TAFA1: variants seen among roughly 807,000 people sequenced by gnomAD.
TAFA1 encodes TAFA chemokine like family member 1, also known as chemokine-like protein TAFA-1.
A neutral mutation model predicts 18.5 loss-of-function variants in TAFA1; 4 were observed. The ratio of observed to expected loss-of-function variants is 0.22; its 90% CI spans 0.11 to 0.49. The LOEUF (loss-of-function observed/expected upper bound fraction) is 0.49, where lower values mean the gene tolerates loss of function less well. Among genes scored for constraint, TAFA1 ranks in the 20% least tolerant of loss-of-function variants. The pLI, the probability that TAFA1 is intolerant of heterozygous loss-of-function variation, is 0.98. For synonymous variants in TAFA1, 56 were observed against 55.2 expected (o/e 1.01, Z -0.06); for missense variants, 147 against 169.0 (o/e 0.87, Z 0.72).
At chr3:68,100,810 T>A (rs1413712195) in intron 2 of TAFA1, among the ~76,000 whole-genome samples, 1 of 152,016 alleles carries the variant, frequency 6.6e-6, no homozygotes, top group Non-Finnish European at 1.5e-5. Context: ...TCCTCCAGCC[T>A]AGGAAATGAT....
intron 3 of TAFA1, among the ~76,000 whole-genome samples, chr3:68,471,718 G>A (rs557191241): frequency 6.6e-6 from 1 of 152,228 alleles, no homozygotes; most frequent in African/African-American, 2.4e-5. Context: ...CCAGTTCACT[G>A]ACACAAATAT....
At chr3:68,478,368 T>C (rs2072145233) in intron 3 of TAFA1, among the ~76,000 whole-genome samples, 1 of 152,114 alleles carries the variant, frequency 6.6e-6, no homozygotes, top group Non-Finnish European at 1.5e-5. Flanking sequence ...CAGCAATCTG[T>C]TTGAGATAAA....
At position 68,439,408 on chromosome 3, in the gene TAFA1, CATACATATATAT is replaced by C. The variant is rs1467621226; in HGVS notation, c.259+21992_259+22003del. Among the ~76,000 whole-genome samples, 8 of 28,234 alleles carry C rather than the reference CATACATATATAT, an allele frequency of 2.8e-4. No individual in the cohort carries two copies. The Admixed American group carries it at 3.2e-3, about 11-fold the overall frequency. The allele number at this position is 28,234 out of a possible 152,430, so 18.5% of individuals were successfully genotyped here. On this transcript the variant is annotated intron_variant, in intron 3 of 4. Coordinates refer to ENST00000478136, the MANE Select transcript of TAFA1 (RefSeq NM_213609.4). Reference sequence around the variant, plus strand: ...GGACAGAAGTAATAGAATATATATACATACATATATATATATATATATATATATATATATATG... The same window carrying C: ...GGACAGAAGTAATAGAATATATATACATATATATATATATATATATATATG...
chr3:68,392,002 C>T (rs999231473), intron 2 of TAFA1, among the ~76,000 whole-genome samples: 3 of 152,090 alleles, frequency 2.0e-5, no homozygotes, highest in African/African-American at 4.8e-5. Flanking sequence ...CAAATTCACA[C>T]ATAACAATAC....
chr3:68,416,056 T>C (rs1438919638), intron 2 of TAFA1, among the ~76,000 whole-genome samples: 1 of 152,192 alleles, frequency 6.6e-6, no homozygotes, highest in African/African-American at 2.4e-5. Context: ...ACCTGAAAGA[T>C]GCAAGTAGCT....
intron 2 of TAFA1, among the ~76,000 whole-genome samples, chr3:68,390,710 A>G (rs2070220429): frequency 6.6e-6 from 1 of 152,230 alleles, no homozygotes; most frequent in South Asian, 2.1e-4. Context: ...ACTCAGGCAA[A>G]CAGGGTCTGG....
At chr3:68,513,951 A>G (rs901523617) in intron 3 of TAFA1, among the ~76,000 whole-genome samples, 3 of 152,146 alleles carry the variant, frequency 2.0e-5, no homozygotes, top group Admixed American at 2.0e-4. Flanking sequence ...AACAACGTCT[A>G]TTTCTCACAG....
intron 3 of TAFA1, among the ~76,000 whole-genome samples, chr3:68,535,609 T>A (rs2073266903): frequency 6.6e-6 from 1 of 152,158 alleles, no homozygotes; most frequent in Admixed American, 6.6e-5. Flanking sequence ...ATGGCAAAAT[T>A]ACCCTTGAGA....
chr3:68,252,911 A>G (rs1346186412), intron 2 of TAFA1, among the ~76,000 whole-genome samples: 1 of 152,110 alleles, frequency 6.6e-6, no homozygotes, highest in Non-Finnish European at 1.5e-5. Flanking sequence ...AATAAGTCTC[A>G]TGAGCTCTGA....
At chr3:68,005,307 G>A (rs1704338077) in intron 1 of TAFA1, among the ~76,000 whole-genome samples, 1 of 152,182 alleles carries the variant, frequency 6.6e-6, no homozygotes, top group Non-Finnish European at 1.5e-5. Context: ...TAATTAGAAA[G>A]TGAATGCTCC....
At chr3:68,225,797 C>A (rs2066791415) in intron 2 of TAFA1, among the ~76,000 whole-genome samples, 1 of 151,932 alleles carries the variant, frequency 6.6e-6, no homozygotes, top group Non-Finnish European at 1.5e-5. Flanking sequence ...TAATCTTGAG[C>A]ATGTTTTTTG....
chr3:68,002,337 C>T (rs756363370), upstream of TAFA1, among the ~76,000 whole-genome samples: 30 of 152,244 alleles, frequency 2.0e-4, no homozygotes, highest in Non-Finnish European at 2.9e-4. Context: ...GTCAGCAATG[C>T]CTATCTGAAT....
chr3:68,379,277 C>T (rs1038916784), intron 2 of TAFA1, among the ~76,000 whole-genome samples: 1 of 152,162 alleles, frequency 6.6e-6, no homozygotes, highest in African/African-American at 2.4e-5. Flanking sequence ...AGCTTCTTTT[C>T]ATATGATTGT....
At chr3:68,178,808 T>G (rs1264406787) in intron 2 of TAFA1, among the ~76,000 whole-genome samples, 1 of 152,166 alleles carries the variant, frequency 6.6e-6, no homozygotes, top group Admixed American at 6.5e-5. Context: ...ATTTAGAGAA[T>G]AGTGAGATCC....
At chr3:68,358,496 G>A (rs146268370) in intron 2 of TAFA1, among the ~76,000 whole-genome samples, 19 of 152,016 alleles carry the variant, frequency 1.2e-4, no homozygotes, top group African/African-American at 4.1e-4. Context: ...AGAAAAACTA[G>A]TAACAGGTGG....
chr3:68,291,906 G>T (rs1382898251), intron 2 of TAFA1, among the ~76,000 whole-genome samples: 3 of 152,148 alleles, frequency 2.0e-5, no homozygotes, highest in African/African-American at 7.2e-5. Flanking sequence ...TCTAGTGGGA[G>T]ATAATACAGT....
intron 2 of TAFA1, among the ~76,000 whole-genome samples, chr3:68,027,475 A>G (rs924889078): frequency 2.6e-5 from 4 of 152,258 alleles, no homozygotes; most frequent in African/African-American, 9.6e-5. Context: ...GAAATGGCTC[A>G]GCTGTGGCCT....
intron 2 of TAFA1, among the ~76,000 whole-genome samples, chr3:68,228,031 G>A (rs2066825518): frequency 6.6e-6 from 1 of 152,146 alleles, no homozygotes; most frequent in Non-Finnish European, 1.5e-5. Flanking sequence ...GTAGCTTGTA[G>A]CTGAGCCCTC....
chr3:68,283,319 G>C (rs1480222875), intron 2 of TAFA1, among the ~76,000 whole-genome samples: 1 of 152,104 alleles, frequency 6.6e-6, no homozygotes, highest in East Asian at 1.9e-4. Flanking sequence ...TTTTCTTATA[G>C]TCTAACTAGC....
Sources: allele counts gnomAD v4.1 joint callset (sites outside exome capture counted in the v4.1 genomes callset), GRCh38; gene constraint gnomAD v4.1.1; transcripts MANE v1.5; gene names NCBI Gene and HGNC (gene_info 2026-07-23, HGNC 2026-07-21).